The following RANBP3 variants were observed in gnomAD, a reference collection of about 807,000 sequenced individuals.
RANBP3 encodes RAN binding protein 3, also known as ran-binding protein 3.
A neutral mutation model predicts 77.3 loss-of-function variants in RANBP3; 14 were observed. The ratio of observed to expected loss-of-function variants is 0.18; its 90% CI spans 0.12 to 0.28. RANBP3 has a LOEUF of 0.28. Ranked by LOEUF, RANBP3 falls within the 10% of genes least tolerant of loss-of-function variation. RANBP3 has a pLI of 1.00. For missense variants in RANBP3, 586 were observed against 752.3 expected (o/e 0.78, Z 2.59); for synonymous variants, 315 against 312.4 (o/e 1.01, Z -0.09).
intron 2 of RANBP3, among the ~76,000 whole-genome samples, chr19:5,953,249 T>C (rs1205720494): frequency 6.6e-6 from 1 of 152,204 alleles, no homozygotes; most frequent in Non-Finnish European, 1.5e-5. Flanking sequence ...TCTACTCAGG[T>C]CCTAGCATTT....
chr19:5,964,617 AG>A (rs1336303509), intron 1 of RANBP3, among the ~76,000 whole-genome samples: 2 of 152,020 alleles, frequency 1.3e-5, no homozygotes, highest in Non-Finnish European at 2.9e-5. Flanking sequence ...GAGGCTGTGA[AG>A]GGAGTGAATC....
At chr19:5,964,908 T>G in intron 1 of RANBP3, among the ~76,000 whole-genome samples, 1 of 143,856 alleles carries the variant, frequency 7.0e-6, no homozygotes, top group East Asian at 2.1e-4. Flanking sequence ...GGGTCTGAGG[T>G]CTGCACATTT....
intron 10 of RANBP3, chr19:5,925,431 G>A (rs1313616420): frequency 2.2e-5 from 13 of 599,128 alleles, no homozygotes; most frequent in African/African-American, 3.7e-5. Context: ...TGTCTCAGGC[G>A]TCCAGTGAAT....
At chr19:5,964,852 TGG>T (rs386388443) in intron 1 of RANBP3, among the ~76,000 whole-genome samples, 1 of 16,994 alleles carries the variant, frequency 5.9e-5, no homozygotes, top group African/African-American at 1.8e-4. Flanking sequence ...GGTGGTAGGG[TGG>T]GGGGGGGGGT....
chr19:5,972,905 T>C (rs1210891239), intron 1 of RANBP3, among the ~76,000 whole-genome samples: 1 of 152,190 alleles, frequency 6.6e-6, no homozygotes, highest in Non-Finnish European at 1.5e-5. Context: ...GAAAATCCCA[T>C]TTTCTGGTAA....
intron 5 of RANBP3, 81 bp from the exon 6 acceptor site, chr19:5,933,560 A>G: frequency 1.7e-6 from 2 of 1,192,650 alleles, no homozygotes; most frequent in Non-Finnish European, 2.4e-6. Context: ...GGAGAGGACT[A>G]TGGTCTTGGC....
rs2057849480 is a variant in RANBP3, at chr19:5,923,178, G to A, written c.1209+16C>T. 9 of 1,610,598 alleles carry A rather than the reference G, an allele frequency of 5.6e-6. No individual in the cohort carries two copies. The highest frequency in any genetic ancestry group is 2.7e-5 in the African/African-American group (2 of 74,872). The stretch of plus-strand genomic sequence containing the variant: ...ATGGAAGACCCAGGGCCACCGAGGA[G>A]GGGCCGGCCCCTCACCTGTAACACA... On this transcript the variant is annotated intron_variant, in intron 13 of 16. Coordinates refer to ENST00000340578, the MANE Select transcript of RANBP3 (RefSeq NM_007322.3).
intron 9 of RANBP3, among the ~76,000 whole-genome samples, chr19:5,926,488 T>C (rs1000431660): frequency 2.0e-5 from 3 of 151,784 alleles, no homozygotes; most frequent in Non-Finnish European, 4.4e-5. Context: ...GAGGTGGAGG[T>C]TGCAGTGAGC....
chr19:5,935,224 C>A (rs913719857), intron 5 of RANBP3, among the ~76,000 whole-genome samples: 2 of 152,214 alleles, frequency 1.3e-5, no homozygotes, highest in Admixed American at 1.3e-4. Flanking sequence ...TGTGCCTGGG[C>A]AGCAAGAGGA....
In RANBP3 at chr19:5,958,653, G is replaced by A. The variant is rs1251196152; in HGVS notation, c.23-680C>T. On this transcript the variant is annotated intron_variant, in intron 1 of 16. Coordinates refer to ENST00000340578, the MANE Select transcript of RANBP3 (RefSeq NM_007322.3). The surrounding 1 kb of genome is among the most constrained non-coding windows in gnomAD (Gnocchi z 4.4). ...GGGGCAGCCAGATCCACAGCCCTGT[G>A]CCACTCAGCCCCGGAGTGGGTGGCA... Among the ~76,000 whole-genome samples the A allele has an allele frequency of 9.2e-5, 14 of 152,322 alleles. No homozygotes were observed. The highest frequency in any genetic ancestry group is 4.4e-5 in the Non-Finnish European group (3 of 68,018).
intron 1 of RANBP3, among the ~76,000 whole-genome samples, chr19:5,970,450 T>C (rs2145274495): frequency 1.3e-5 from 2 of 152,264 alleles, no homozygotes; most frequent in South Asian, 2.1e-4. Flanking sequence ...TGAAATCCCA[T>C]AACCCAATGG....
At chr19:5,945,580 CCT>C (rs1453874791) in intron 3 of RANBP3, among the ~76,000 whole-genome samples, 2 of 152,118 alleles carry the variant, frequency 1.3e-5, no homozygotes, top group East Asian at 1.9e-4. Flanking sequence ...TTGCTGAAGT[CCT>C]GTTTCCTTAC....
chr19:5,936,199 T>C (rs1362564097), intron 5 of RANBP3, among the ~76,000 whole-genome samples: 1 of 152,182 alleles, frequency 6.6e-6, no homozygotes, highest in Non-Finnish European at 1.5e-5. Context: ...TGGACGGCGC[T>C]GGTGCAGGGT....
At chr19:5,929,098 C>T (rs1440576573) in intron 8 of RANBP3, among the ~76,000 whole-genome samples, 1 of 152,186 alleles carries the variant, frequency 6.6e-6, no homozygotes, top group African/African-American at 2.4e-5. Flanking sequence ...GTTACAATGC[C>T]AGGCCCAGAA....
intron 1 of RANBP3, chr19:5,962,557 C>A (rs992904384): frequency 2.4e-6 from 1 of 412,430 alleles, no homozygotes; most frequent in African/African-American, 2.0e-5. Flanking sequence ...ATGGTCAGGG[C>A]TCTCCAGAGG....
intron 1 of RANBP3, among the ~76,000 whole-genome samples, chr19:5,973,804 C>T (rs1182716833): frequency 1.3e-5 from 2 of 152,204 alleles, no homozygotes; most frequent in South Asian, 2.1e-4. Context: ...TGTATGTGCA[C>T]TCATTCCTTC....
chr19:5,935,573 G>C (rs1399226087), intron 5 of RANBP3: 5 of 351,264 alleles, frequency 1.4e-5, no homozygotes, highest in Non-Finnish European at 2.9e-5. Flanking sequence ...ACTGACTACT[G>C]CCCTTCCACA....
chr19:5,965,021 C>T (rs1329067909), intron 1 of RANBP3, among the ~76,000 whole-genome samples: 5 of 151,974 alleles, frequency 3.3e-5, no homozygotes, highest in African/African-American at 4.8e-5. Flanking sequence ...AAGATCTCTG[C>T]GATGAAGGTG....
chr19:5,949,275 A>C (rs1186194183), intron 3 of RANBP3, among the ~76,000 whole-genome samples: 1 of 152,272 alleles, frequency 6.6e-6, no homozygotes, highest in African/African-American at 2.4e-5. Context: ...GGCTCAGGCC[A>C]AGAAGCAGTT....
Sources: gnomAD v4.1 joint callset for allele counts (sites outside exome capture counted in the v4.1 genomes callset) on GRCh38, gnomAD v4.1.1 for gene constraint, Gnocchi (gnomAD v3.1) non-coding constraint, MANE v1.5 for transcripts, NCBI Gene and HGNC (gene_info 2026-07-23, HGNC 2026-07-21) for gene names.